Variants in CNKSR1 observed in about 807,000 individuals in gnomAD.
CNKSR1 encodes the protein CNK homolog protein 1.
Under a neutral mutation model 95.6 loss-of-function variants are expected in CNKSR1, and 88 were observed. The observed-to-expected ratio is 0.92, with a 90% CI of 0.78 to 1.10. The LOEUF is 1.10. Among genes scored for constraint, CNKSR1 ranks in the 50% least tolerant of loss-of-function variants. The pLI is 0.00. For missense variants in CNKSR1, 836 were observed against 912.0 expected, an observed-to-expected ratio of 0.92 and a Z score of 1.07; for synonymous variants, 355 against 369.7, an observed-to-expected ratio of 0.96 and a Z score of 0.46.
At position 26,188,587 on chromosome 1, in the gene CNKSR1, C is replaced by G; in HGVS notation, c.1591-11C>G. The G allele has an allele frequency of 6.2e-7, 1 of 1,613,456 alleles. No homozygotes were observed. Among genetic ancestry groups the G allele is most frequent in the Non-Finnish European group, 8.5e-7 (1 of 1,179,748 alleles). On this transcript the variant is annotated splice_polypyrimidine_tract_variant and intron_variant, in intron 18 of 20. Transcript: ENST00000361530. ...GACAGAAACCCTCTGTGCTTTCCAC[C>G]CTGCCTGCAGCCCAGCCCTGCTCAA...
intron 3 of CNKSR1, 55 bp from the exon 4 acceptor site, chr1:26,181,802 G>A (rs3819033): frequency 0.14 from 214,417 of 1,540,778 alleles, 28,090 homozygotes; most frequent in East Asian, 0.62. Context: ...TGAGTAATTG[G>A]CTCTGAGTGG....
chr1:26,187,812 G>C (rs946044194), intron 16 of CNKSR1, among the ~76,000 whole-genome samples: 2 of 151,708 alleles, frequency 1.3e-5, no homozygotes, highest in Non-Finnish European at 2.9e-5. Flanking sequence ...TAGTAGAGAG[G>C]GGGTTTCACT....
In CNKSR1 at chr1:26,185,070, G is replaced by T. The variant is rs762074036; in HGVS notation, c.1192G>T (p.Asp398Tyr). ...GTCATGCCGTGAGCTGGGCCGGCCG[G>T]ACTGTGACGGCTGGCTCCTGTTGCG... The part of the protein sequence containing the change: ...RVSCRELGRP[D>Y]CDGWLLLRKA... The change falls in exon 14 of 21, where the codon GAC becomes TAC. Residue 398 changes from aspartate to tyrosine, a missense_variant. Asp to Tyr is a radical substitution (Grantham distance 160). Transcript: ENST00000361530. 1.2e-6 allele frequency: 2 copies of T among 1,605,848 alleles called. No homozygotes were observed. The highest frequency in any genetic ancestry group is 1.7e-5 in the Admixed American group (1 of 59,654).
At chr1:26,189,195 C>T (rs563596783) in intron 20 of CNKSR1, 84 bp from the exon 21 acceptor site, 162 of 1,543,910 alleles carry the variant, frequency 1.0e-4, no homozygotes, top group Non-Finnish European at 1.3e-4. Context: ...TTCCAGGCAC[C>T]GGACCTCCGG....
chr1:26,183,724 C>T lies in CNKSR1; in HGVS notation c.754-5C>T. On this transcript the variant is annotated splice_polypyrimidine_tract_variant and splice_region_variant and intron_variant, in intron 8 of 20. Coordinates refer to ENST00000361530, the MANE Select transcript of CNKSR1 (RefSeq NM_006314.3). The stretch of plus-strand genomic sequence containing the variant: ...TTGATACCAGCCAGTGTTTCTGTCC[C>T]CCAGGTGGGATGGCCCCGTAAGAAC... 6.2e-7 allele frequency: 1 copy of T among 1,605,834 alleles called. No homozygotes were observed. Among genetic ancestry groups the T allele is most frequent in the East Asian group, 2.2e-5 (1 of 44,830 alleles).
chr1:26,183,393 C>A lies in CNKSR1; in HGVS notation c.732C>A (p.Val244=). The change falls in exon 8 of 21, where the codon GTC becomes GTA. Residue 244 remains valine (V), a synonymous_variant. Transcript: ENST00000361530. ...RLQIQPGDEV[V]QINEQVVVGW... Reference sequence around the variant, plus strand: ...AGATCCAGCCTGGAGACGAGGTTGTCCAGATCAACGAGCAGGTGGTGGTGC... The same window carrying A: ...AGATCCAGCCTGGAGACGAGGTTGTACAGATCAACGAGCAGGTGGTGGTGC... The A allele has an allele frequency of 6.2e-7, 1 of 1,614,120 alleles. No individual in the cohort carries two copies. Among genetic ancestry groups the A allele is most frequent in the Non-Finnish European group, 8.5e-7 (1 of 1,180,014 alleles).
intron 14 of CNKSR1, 45 bp downstream of exon 14, chr1:26,185,231 C>T: frequency 6.5e-7 from 1 of 1,533,596 alleles, no homozygotes; most frequent in Non-Finnish European, 8.8e-7. Flanking sequence ...GAGTCACTTC[C>T]AGGCCTCGAT....
At chr1:26,185,903 C>T (rs755254220) in intron 14 of CNKSR1, among the ~76,000 whole-genome samples, 1 of 152,202 alleles carries the variant, frequency 6.6e-6, no homozygotes, top group Non-Finnish European at 1.5e-5. Flanking sequence ...ATGGGCCATT[C>T]ATTTACTCAT....
rs781186112 is a variant in CNKSR1, at chr1:26,185,034, C to T, written c.1156C>T (p.Arg386Cys). The T allele has an allele frequency of 2.2e-5, 36 of 1,600,292 alleles. No individual in the cohort carries two copies. Among genetic ancestry groups the T allele is most frequent in the Admixed American group, 1.0e-4 (6 of 59,562 alleles). ...TACAGGCCTGGCGACCCGGCTGAGC[C>T]GCCGGCGGGTGTCATGCCGTGAGCT... ...KSKGLATRLS[R>C]RRVSCRELGR... Residue 386 changes from arginine to cysteine, a missense_variant, in exon 14 of 21, where the codon CGC becomes TGC. Physicochemically the swap from Arg to Cys is radical, Grantham distance 180. Transcript: ENST00000361530.
Position 26,188,216 on chromosome 1 carries a change from C to A in CNKSR1, c.1455-18C>A. ...CCCAGTGGATGGAAACCCTGTGAGA[C>A]CTGCTTGCTCTCCATAGGTGGGTGC... On this transcript the variant is annotated intron_variant, in intron 16 of 20. Coordinates refer to ENST00000361530, the MANE Select transcript of CNKSR1 (RefSeq NM_006314.3). The A allele has an allele frequency of 6.2e-7, 1 of 1,612,754 alleles. No homozygotes were observed. The highest frequency in any genetic ancestry group is 2.2e-5 in the East Asian group (1 of 44,872).
rs763869609 is a variant in CNKSR1 at position 26,184,454 on chromosome 1, A to C, written c.1054A>C (p.Ile352Leu). The change falls in exon 12 of 21, where the codon ATA (isoleucine) becomes CTA (leucine). Residue 352 changes from isoleucine (I) to leucine (L), a missense_variant. Ile to Leu is a conservative substitution (Grantham distance 5, BLOSUM62 2). Coordinates refer to ENST00000361530, the MANE Select transcript of CNKSR1 (RefSeq NM_006314.3). ...GCCCATCCCCCCGGAACCCCCAGCC[A>C]TACTCCCAGCAGGGGTAGCAGGGAC... Reference protein sequence around the residue: ...PLPIPPEPPAILPAGVAGTPG... With the variant: ...PLPIPPEPPALLPAGVAGTPG... 6.2e-7 allele frequency: 1 copy of C among 1,613,360 alleles called. No homozygotes were observed. The highest frequency in any genetic ancestry group is 8.5e-7 in the Non-Finnish European group (1 of 1,179,780).
chr1:26,184,487 C>G lies in CNKSR1; in HGVS notation c.1087C>G (p.Leu363Val). ...AGCAGGGGTAGCAGGGACTCCAGGG[C>G]TCCCTGAATCCCCTGACAAGGTAAG... ...LPAGVAGTPG[L>V]PESPDKSPVG... Residue 363 changes from leucine to valine, a missense_variant, in exon 12 of 21, where the codon CTC becomes GTC. By Grantham distance (32) the Leu-to-Val change is conservative. Transcript: ENST00000361530. The G allele has an allele frequency of 6.2e-7, 1 of 1,612,568 alleles. No individual in the cohort carries two copies. Among genetic ancestry groups the G allele is most frequent in the Middle Eastern group, 1.7e-4 (1 of 6,060 alleles).
At position 26,189,104 on chromosome 1, in the gene CNKSR1, T is replaced by G; in HGVS notation, c.1872+151T>G. On this transcript the variant is annotated intron_variant, in intron 20 of 20. Transcript: ENST00000361530. The stretch of plus-strand genomic sequence containing the variant: ...TAGCAGCTGACAGCGGGCTCAGCTG[T>G]GGACTGGGCCAGGCTCTGGGTTCCG... 8 of 1,289,962 alleles carry G rather than the reference T, an allele frequency of 6.2e-6. 1 individual carries two copies. The South Asian group carries it at 9.8e-5, about 16-fold the overall frequency. 79.9% of individuals were successfully genotyped at this position (1,289,962 alleles called of 1,614,324 possible). A position where few individuals can be genotyped will look rare whatever the true frequency, so the allele number is the denominator to read the frequency against.
chr1:26,178,487 G>A (rs2088597258), intron 1 of CNKSR1, among the ~76,000 whole-genome samples: 1 of 152,182 alleles, frequency 6.6e-6, no homozygotes, highest in African/African-American at 2.4e-5. Flanking sequence ...ACACCCCACA[G>A]GCAGACTCAG....
At position 26,188,796 on chromosome 1, in the gene CNKSR1, G is replaced by A. The variant is rs763696714; in HGVS notation, c.1715G>A (p.Gly572Glu). The A allele has an allele frequency of 2.0e-5, 32 of 1,610,822 alleles. 1 individual carries two copies. In the South Asian group the frequency reaches 3.5e-4, roughly 18 times the overall value. Residue 572 changes from glycine (G) to glutamate (E), a missense_variant, in exon 20 of 21, where the codon GGA (glycine) becomes GAA (glutamate). Gly to Glu is a moderately conservative substitution (Grantham distance 98). Coordinates refer to ENST00000361530, the MANE Select transcript of CNKSR1 (RefSeq NM_006314.3). ...LTDSSEEALE[G>E]MVRGLRQGGV... Reference sequence around the variant, plus strand: ...GACAGCAGTGAAGAGGCACTGGAAGGAATGGTACGGGGGCTGAGGCAGGGT... The same window carrying A: ...GACAGCAGTGAAGAGGCACTGGAAGAAATGGTACGGGGGCTGAGGCAGGGT...
chr1:26,183,661 G>A, intron 8 of CNKSR1, 68 bp from the exon 9 acceptor site: 2 of 1,212,270 alleles, frequency 1.6e-6, no homozygotes, highest in South Asian at 2.4e-5. Flanking sequence ...CAGCACGAGG[G>A]TGAGAGTTGG....
At position 26,184,577 on chromosome 1, in the gene CNKSR1, C is replaced by A. The variant is rs370166938; in HGVS notation, c.1108-8C>A. ...GATCCTTCTCTCACCCTTCTGCTGT[C>A]CTTTCAGAGTCCTGTTGGTCGGAAG... On this transcript the variant is annotated splice_region_variant and splice_polypyrimidine_tract_variant and intron_variant, in intron 12 of 20. Transcript: ENST00000361530. 9.9e-6 allele frequency: 16 copies of A among 1,608,040 alleles called. No homozygotes were observed. In the African/African-American group the frequency reaches 1.7e-4, roughly 17 times the overall value.
intron 16 of CNKSR1, 72 bp from the exon 17 acceptor site, chr1:26,188,162 G>A: frequency 1.6e-6 from 2 of 1,286,508 alleles, no homozygotes; most frequent in Non-Finnish European, 1.1e-6. Flanking sequence ...AGATGATGTG[G>A]GTAAAAAGCC....
intron 13 of CNKSR1, 78 bp from the exon 14 acceptor site, chr1:26,184,936 T>C (rs143745147): frequency 2.2e-4 from 315 of 1,415,248 alleles, no homozygotes; most frequent in Non-Finnish European, 2.8e-4. Context: ...TTGGGGATGC[T>C]TGTGGAAGGC....
Sources: allele counts gnomAD v4.1 joint callset (sites outside exome capture counted in the v4.1 genomes callset), GRCh38; gene constraint gnomAD v4.1.1; transcripts MANE v1.5; gene names NCBI Gene and HGNC (gene_info 2026-07-23, HGNC 2026-07-21).